GPATCH3: variants seen among roughly 807,000 people sequenced by gnomAD.
The protein encoded by GPATCH3 is G-patch domain containing 3, also known as G patch domain-containing protein 3.
Under a neutral mutation model 53.2 loss-of-function variants are expected in GPATCH3, and 45 were observed. The ratio of observed to expected loss-of-function variants is 0.85; its 90% CI spans 0.67 to 1.08. GPATCH3 has a LOEUF of 1.08. GPATCH3 is among the 50% of genes least tolerant of loss of function. The probability of loss-of-function intolerance (pLI) is 0.00; values close to 1 mark genes in which losing one functional copy is unlikely to be tolerated. For synonymous variants in GPATCH3, 280 were observed against 270.6 expected (o/e 1.03, Z -0.34); for missense variants, 680 against 687.2 (o/e 0.99, Z 0.12).
chr1:26,897,085 C>T (rs996433084), intron 2 of GPATCH3, among the ~76,000 whole-genome samples: 8 of 152,054 alleles, frequency 5.3e-5, no homozygotes, highest in East Asian at 3.9e-4. Flanking sequence ...ATAAGACCCA[C>T]TTACGAATCT....
Position 26,892,467 on chromosome 1 carries a change from C to T in GPATCH3, c.1305G>A (p.Gly435=). The T allele has an allele frequency of 6.2e-7, 1 of 1,613,906 alleles. No homozygotes were observed. The highest frequency in any genetic ancestry group is 8.5e-7 in the Non-Finnish European group (1 of 1,179,790). Reference sequence around the variant, plus strand: ...CATCACTATCCAGGGCCTCAGGCACCCCTGAGCACCTGCAGCCCAGGCCCT... The same window carrying T: ...CATCACTATCCAGGGCCTCAGGCACTCCTGAGCACCTGCAGCCCAGGCCCT... ...EGQGLGCRCS[G]VPEALDSDGQ... The change falls in exon 6 of 7, where the codon GGG becomes GGA. Residue 435 remains glycine, a synonymous_variant. Transcript: ENST00000361720.
chr1:26,893,892 C>A (rs367815868), intron 3 of GPATCH3, among the ~76,000 whole-genome samples: 10 of 152,136 alleles, frequency 6.6e-5, no homozygotes, highest in African/African-American at 2.2e-4. Flanking sequence ...TCATAGCTCA[C>A]TGCAACCTTG....
rs1031543428 is a variant in GPATCH3, at chr1:26,900,251, A to G, written c.192T>C (p.Ser64=). 2 of 1,614,004 alleles carry G rather than the reference A, an allele frequency of 1.2e-6. No homozygotes were observed. The highest frequency in any genetic ancestry group is 1.3e-5 in the African/African-American group (1 of 74,926). The change falls in exon 1 of 7, where the codon TCT becomes TCC. Residue 64 remains serine (S), a synonymous_variant. Transcript: ENST00000361720. The part of the protein sequence containing the change: ...ERAPPQAAPN[S]ALIPTDPAAE... ...CGGCTGGGTCGGTAGGAATTAGGGC[A>G]GAGTTAGGAGCGGCCTGCGGAGGGG...
chr1:26,892,448 T>A lies in GPATCH3; in HGVS notation c.1324A>T (p.Ser442Cys). Residue 442 changes from serine (S) to cysteine (C), a missense_variant, in exon 6 of 7, where the codon AGT becomes TGT. Ser to Cys is a moderately radical substitution (Grantham distance 112). Transcript: ENST00000361720. The part of the protein sequence containing the change: ...RCSGVPEALD[S>C]DGQHPRCKRG... ...TTGCATCTGGGGTGTTGGCCATCAC[T>A]ATCCAGGGCCTCAGGCACCCCTGAG... is the stretch of plus-strand genomic sequence containing the variant. 6.2e-7 allele frequency: 1 copy of A among 1,613,914 alleles called. No homozygotes were observed. The highest frequency in any genetic ancestry group is 8.5e-7 in the Non-Finnish European group (1 of 1,179,886).
In GPATCH3 at chr1:26,893,405, A is replaced by C. The variant is rs532242521; in HGVS notation, c.1095T>G (p.Ser365Arg). The C allele has an allele frequency of 8.1e-6, 13 of 1,613,122 alleles. No individual in the cohort carries two copies. In the Admixed American group the frequency reaches 1.3e-4, roughly 17 times the overall value. ...GCCCAGTACCTCTGTCATAGTACAC[A>C]CTCATGTCCACATCCCAGTCATCGG... is the stretch of plus-strand genomic sequence containing the variant. ...QTADDWDVDM[S>R]VYYDRDGGDK... is the part of the protein sequence containing the mutation. The change falls in exon 4 of 7, where the codon AGT becomes AGG. Residue 365 changes from serine to arginine, a missense_variant. Transcript: ENST00000361720.
rs1447104700 is a variant in GPATCH3, at chr1:26,894,937, T to C, written c.877-527A>G. Among the ~76,000 whole-genome samples the C allele has an allele frequency of 2.0e-5, 3 of 152,180 alleles. No homozygotes were observed. In the South Asian group the frequency reaches 6.2e-4, roughly 31 times the overall value. ...CAACCCTATGAGATAAGTACCATTATTCCCATTCTACAGATGACAAAACCT... is the reference window on the plus strand; with the variant it reads ...CAACCCTATGAGATAAGTACCATTACTCCCATTCTACAGATGACAAAACCT... On this transcript the variant is annotated intron_variant, in intron 2 of 6. Transcript: ENST00000361720.
intron 1 of GPATCH3, among the ~76,000 whole-genome samples, chr1:26,898,818 C>T (rs530000883): frequency 6.6e-6 from 1 of 152,166 alleles, no homozygotes; most frequent in African/African-American, 2.4e-5. Context: ...AGGCATGCGC[C>T]ACCACAACCG....
Position 26,897,689 on chromosome 1 carries a change from A to C in GPATCH3, c.488T>G (p.Leu163Arg). 6.2e-7 allele frequency: 1 copy of C among 1,613,922 alleles called. No individual in the cohort carries two copies. Among genetic ancestry groups the C allele is most frequent in the Non-Finnish European group, 8.5e-7 (1 of 1,179,920 alleles). The change falls in exon 2 of 7, where the codon CTG (leucine) becomes CGG (arginine). Residue 163 changes from leucine to arginine, a missense_variant. By Grantham distance (102) the Leu-to-Arg change is moderately radical. Transcript: ENST00000361720. ...TTCATTCTCTGCCTTCCAACTCTGC[A>C]GTTCCTTCCGGGTCTTGAAGGGAAA... ...GSFPFKTRKE[L>R]QSWKAENEAF...
In GPATCH3 at chr1:26,900,015, A is replaced by C. The variant is rs1447795451; in HGVS notation, c.428T>G (p.Leu143Arg). 3 of 1,614,050 alleles carry C rather than the reference A, an allele frequency of 1.9e-6. No homozygotes were observed. Among genetic ancestry groups the C allele is most frequent in the Admixed American group, 1.7e-5 (1 of 59,994 alleles). ...ACCTGATGCCTCCGTAGGTAGCCGAAGTCTGCGGATGAGACAGCGACCCGG... is the reference window on the plus strand; with the variant it reads ...ACCTGATGCCTCCGTAGGTAGCCGACGTCTGCGGATGAGACAGCGACCCGG... The part of the protein sequence containing the change: ...WLPGRCLIRR[L>R]RLPTEASGLG... The change falls in exon 1 of 7, where the codon CTT becomes CGT. Residue 143 changes from leucine (L) to arginine (R), a missense_variant. Coordinates refer to ENST00000361720, the MANE Select transcript of GPATCH3 (RefSeq NM_022078.3).
At position 26,890,776 on chromosome 1, in the gene GPATCH3, A is replaced by G; in HGVS notation, c.*234T>C. The G allele has an allele frequency of 1.3e-6, 1 of 742,782 alleles. No homozygotes were observed. Among genetic ancestry groups the G allele is most frequent in the Non-Finnish European group, 2.5e-6 (1 of 395,838 alleles). The allele number at this position is 742,782 out of a possible 1,614,324, so 46.0% of individuals were successfully genotyped here. On this transcript the variant is annotated 3_prime_UTR_variant, in exon 7 of 7. Coordinates refer to ENST00000361720, the MANE Select transcript of GPATCH3 (RefSeq NM_022078.3). ...AAGGGCAAGCCCAGAGATTAGGGTT[A>G]GAGACCAAAGACAAGCGGTCGTTAC...
chr1:26,900,003 G>T lies in GPATCH3; in HGVS notation c.440C>A (p.Thr147Lys). 1.9e-6 allele frequency: 3 copies of T among 1,614,130 alleles called. No homozygotes were observed. Among genetic ancestry groups the T allele is most frequent in the Non-Finnish European group, 2.5e-6 (3 of 1,180,032 alleles). ...TTTCTCACTCTTACCTGATGCCTCC[G>T]TAGGTAGCCGAAGTCTGCGGATGAG... ...RCLIRRLRLP[T>K]EASGLGSFPF... The change falls in exon 1 of 7, where the codon ACG (threonine) becomes AAG (lysine). Residue 147 changes from threonine to lysine, a missense_variant. Transcript: ENST00000361720.
At position 26,892,410 on chromosome 1, in the gene GPATCH3, C is replaced by T. The variant is rs772507921; in HGVS notation, c.1361+1G>A. On this transcript the variant is annotated splice_donor_variant, in intron 6 of 6. Transcript: ENST00000361720. LOFTEE classifies it high-confidence loss of function. ...CAGGGAAGTCCCTCAGTCACACTTA[C>T]CCCAATCCACGCTTGCATCTGGGGT... is the stretch of plus-strand genomic sequence containing the variant. 7 of 1,611,950 alleles carry T rather than the reference C, an allele frequency of 4.3e-6. No homozygotes were observed. Among genetic ancestry groups the T allele is most frequent in the South Asian group, 3.3e-5 (3 of 91,032 alleles).
Position 26,898,727 on chromosome 1 carries a change from C to T in GPATCH3, c.452-1002G>A, listed in dbSNP as rs139739899. Among the ~76,000 whole-genome samples, 1,155 of 149,786 alleles carry T rather than the reference C, an allele frequency of 7.7e-3. 17 individuals carry two copies. Among genetic ancestry groups the T allele is most frequent in the African/African-American group, 0.028 (1,120 of 40,612 alleles). ...TGTCACCCAGGCTGGAGTACAGTGGCGCGATCTTGACTCATTGCAACCTCC... is the reference window on the plus strand; with the variant it reads ...TGTCACCCAGGCTGGAGTACAGTGGTGCGATCTTGACTCATTGCAACCTCC... On this transcript the variant is annotated intron_variant, in intron 1 of 6. Coordinates refer to ENST00000361720, the MANE Select transcript of GPATCH3 (RefSeq NM_022078.3).
At position 26,894,351 on chromosome 1, in the gene GPATCH3, C is replaced by T; in HGVS notation, c.936G>A (p.Gly312=). The T allele has an allele frequency of 3.1e-6, 5 of 1,614,118 alleles. No individual in the cohort carries two copies. Among genetic ancestry groups the T allele is most frequent in the Non-Finnish European group, 4.2e-6 (5 of 1,180,010 alleles). Residue 312 remains glycine (G), a synonymous_variant, in exon 3 of 7, where the codon GGG becomes GGA. Coordinates refer to ENST00000361720, the MANE Select transcript of GPATCH3 (RefSeq NM_022078.3). ...RHEALHEDVT[G]QERTTEQLFE... ...AGAGCTGCTCAGTGGTCCGCTCCTG[C>T]CCGGTCACGTCCTCATGCAGCGCTT...
intron 1 of GPATCH3, among the ~76,000 whole-genome samples, chr1:26,898,806 A>T (rs2081962155): frequency 1.3e-5 from 2 of 151,876 alleles, no homozygotes; most frequent in Non-Finnish European, 2.9e-5. Context: ...AGCTGGGACT[A>T]CAGGCATGCG....
Position 26,900,358 on chromosome 1 carries a change from A to C in GPATCH3, c.85T>G (p.Leu29Val), listed in dbSNP as rs769589988. ...GIPSVLRSAHLRSYFSQFREE... is the reference protein window; with the variant it reads ...GIPSVLRSAHVRSYFSQFREE... ...CGGAACTGGCTAAAATAGCTCCGTA[A>C]ATGGGCCGAGCGCAACACGGAGGGG... The change falls in exon 1 of 7, where the codon TTA becomes GTA. Residue 29 changes from leucine (L) to valine (V), a missense_variant. By Grantham distance (32) the Leu-to-Val change is conservative (BLOSUM62 1). Transcript: ENST00000361720. 2 of 1,614,040 alleles carry C rather than the reference A, an allele frequency of 1.2e-6. No individual in the cohort carries two copies. The highest frequency in any genetic ancestry group is 1.7e-6 in the Non-Finnish European group (2 of 1,180,026).
intron 4 of GPATCH3, 39 bp downstream of exon 4, chr1:26,893,350 C>T (rs758536510): frequency 6.6e-7 from 1 of 1,514,946 alleles, no homozygotes; most frequent in Non-Finnish European, 9.2e-7. Context: ...GGCCAGGGCA[C>T]CTGTTTCACC....
Position 26,892,471 on chromosome 1 carries a change from G to T in GPATCH3, c.1301C>A (p.Ser434Ter). 2 of 1,613,948 alleles carry T rather than the reference G, an allele frequency of 1.2e-6. No homozygotes were observed. The highest frequency in any genetic ancestry group is 1.7e-6 in the Non-Finnish European group (2 of 1,179,860). Reference protein sequence around the residue: ...AEGQGLGCRCSGVPEALDSDG... With the variant: ...AEGQGLGCRC ...ACTATCCAGGGCCTCAGGCACCCCT[G>T]AGCACCTGCAGCCCAGGCCCTGGCC... Residue 434 changes from serine to a stop codon, truncating the protein, a stop_gained, in exon 6 of 7, where the codon TCA (serine) becomes TAA (stop). Coordinates refer to ENST00000361720, the MANE Select transcript of GPATCH3 (RefSeq NM_022078.3). LOFTEE classifies it high-confidence loss of function.
chr1:26,894,202 G>A, intron 3 of GPATCH3, 34 bp downstream of exon 3: 1 of 1,603,620 alleles, frequency 6.2e-7, no homozygotes, highest in East Asian at 2.2e-5. Flanking sequence ...TGCAGCAGGG[G>A]TCACCCCTGC....
Sources: gnomAD v4.1 joint callset for allele counts (sites outside exome capture counted in the v4.1 genomes callset) on GRCh38, gnomAD v4.1.1 for gene constraint, MANE v1.5 for transcripts, NCBI Gene and HGNC (gene_info 2026-07-23, HGNC 2026-07-21) for gene names.